The following WWOX variants were observed in gnomAD, a reference collection of about 807,000 sequenced individuals.
The protein encoded by WWOX is WW domain containing oxidoreductase, also known as WW domain-containing oxidoreductase.
WWOX carries 69 observed loss-of-function variants against 46.2 expected under a neutral mutation model. That is an observed-to-expected ratio of 1.49 (90% CI 1.23 to 1.82). The LOEUF is 1.82. Ranked by LOEUF, WWOX falls within the 40% of genes most tolerant of loss-of-function variation. The pLI, the probability that WWOX is intolerant of heterozygous loss-of-function variation, is 0.00. For synonymous variants in WWOX, 359 were observed against 202.6 expected (o/e 1.77, Z -6.56); for missense variants, 919 against 542.6 (o/e 1.69, Z -6.89).
chr16:78,912,419 A>C (rs1049467563), intron 8 of WWOX, among the ~76,000 whole-genome samples: 2 of 151,908 alleles, frequency 1.3e-5, no homozygotes, highest in African/African-American at 4.8e-5. Context: ...AGGGTCACAC[A>C]ATTAGTAGAT....
At chr16:78,924,894 T>G (rs374653790) in intron 8 of WWOX, among the ~76,000 whole-genome samples, 1 of 152,190 alleles carries the variant, frequency 6.6e-6, no homozygotes, top group East Asian at 1.9e-4. Flanking sequence ...AATGTTTGTC[T>G]TTTCAAATAA....
chr16:78,550,516 C>T (rs755221455), intron 8 of WWOX, among the ~76,000 whole-genome samples: 9 of 152,180 alleles, frequency 5.9e-5, no homozygotes, highest in Non-Finnish European at 8.8e-5. Context: ...GTCTGGGAGA[C>T]ATAATTTCAA....
intron 8 of WWOX, among the ~76,000 whole-genome samples, chr16:79,008,186 C>T (rs191343467): frequency 1.3e-5 from 2 of 152,264 alleles, no homozygotes; most frequent in East Asian, 1.9e-4. Flanking sequence ...CCCTTGCAGC[C>T]CCTAGAGGCT....
intron 8 of WWOX, among the ~76,000 whole-genome samples, chr16:78,531,027 C>T (rs913116622): frequency 1.3e-5 from 2 of 152,210 alleles, no homozygotes; most frequent in Admixed American, 6.5e-5. Context: ...TGGTCTTTAT[C>T]ACTTCTCCAT....
intron 5 of WWOX, among the ~76,000 whole-genome samples, chr16:78,328,548 C>T (rs921765823): frequency 6.6e-6 from 1 of 152,140 alleles, no homozygotes. Flanking sequence ...GTACTTTATT[C>T]TTGCAACAAG....
intron 5 of WWOX, among the ~76,000 whole-genome samples, chr16:78,334,924 T>A (rs71386271): frequency 0.34 from 47,607 of 140,276 alleles, 8,237 homozygotes; most frequent in East Asian, 0.6. Context: ...CATCTTTTTT[T>A]AAAAAAAAAA....
intron 8 of WWOX, among the ~76,000 whole-genome samples, chr16:78,799,654 T>A (rs1470533367): frequency 1.3e-5 from 2 of 152,148 alleles, no homozygotes; most frequent in Non-Finnish European, 2.9e-5. Flanking sequence ...TCATGTTCTG[T>A]GGCACTTTGC....
chr16:78,254,304 C>T (rs574096774), intron 5 of WWOX, among the ~76,000 whole-genome samples: 10 of 151,884 alleles, frequency 6.6e-5, no homozygotes, highest in African/African-American at 1.7e-4. Context: ...GGGCTAGTCT[C>T]GAACTCCTGG....
chr16:78,702,183 G>C (rs1008057390), intron 8 of WWOX, among the ~76,000 whole-genome samples: 7 of 147,310 alleles, frequency 4.8e-5, no homozygotes, highest in African/African-American at 1.8e-4. Context: ...CGGAGGCCGA[G>C]GCAGGAGAGT....
At chr16:78,518,420 C>T (rs1485837535) in intron 8 of WWOX, among the ~76,000 whole-genome samples, 4 of 151,982 alleles carry the variant, frequency 2.6e-5, no homozygotes, top group Admixed American at 6.6e-5. Flanking sequence ...GGGATTTCAC[C>T]ATGTTGGCCA....
intron 8 of WWOX, among the ~76,000 whole-genome samples, chr16:78,960,931 G>A (rs973803526): frequency 6.6e-6 from 1 of 152,158 alleles, no homozygotes; most frequent in Admixed American, 6.5e-5. Flanking sequence ...GCTTGCTTTG[G>A]GTCCCAAATT....
chr16:79,060,109 G>T (rs1365752666), intron 8 of WWOX, among the ~76,000 whole-genome samples: 3 of 152,136 alleles, frequency 2.0e-5, no homozygotes, highest in African/African-American at 7.2e-5. Context: ...ATCCATTGTT[G>T]TTTCTGTGTC....
intron 8 of WWOX, among the ~76,000 whole-genome samples, chr16:78,694,741 C>T (rs928057268): frequency 7.9e-5 from 12 of 152,096 alleles, no homozygotes; most frequent in Admixed American, 2.6e-4. Context: ...CTCATAAGAA[C>T]GCTTTATTGG....
intron 8 of WWOX, among the ~76,000 whole-genome samples, chr16:78,856,749 T>A (rs888750810): frequency 1.3e-5 from 2 of 152,170 alleles, no homozygotes; most frequent in African/African-American, 4.8e-5. Flanking sequence ...AATATACATG[T>A]ACATAGATTT....
At chr16:79,070,870 C>G (rs186694436) in intron 8 of WWOX, among the ~76,000 whole-genome samples, 18 of 152,266 alleles carry the variant, frequency 1.2e-4, no homozygotes, top group African/African-American at 4.3e-4. Flanking sequence ...GGTGTGTTGA[C>G]TATATTCTCC....
intron 5 of WWOX, among the ~76,000 whole-genome samples, chr16:78,268,011 G>C (rs895818813): frequency 2.6e-5 from 4 of 151,916 alleles, no homozygotes; most frequent in Non-Finnish European, 4.4e-5. Flanking sequence ...TAGAGACAGG[G>C]TTTTGCCATG....
At chr16:78,805,315 C>A (rs529890553) in intron 8 of WWOX, among the ~76,000 whole-genome samples, 1 of 152,292 alleles carries the variant, frequency 6.6e-6, no homozygotes, top group South Asian at 2.1e-4. Flanking sequence ...TGCAGTGGCG[C>A]CATCTCAGGA....
intron 8 of WWOX, among the ~76,000 whole-genome samples, chr16:78,943,358 C>G (rs1309278251): frequency 2.0e-5 from 3 of 147,012 alleles, no homozygotes; most frequent in Non-Finnish European, 2.9e-5. Context: ...AGATTACACT[C>G]TTATTCACTA....
Position 78,803,114 on chromosome 16 carries a change from T to G in WWOX, c.1056+370362T>G, listed in dbSNP as rs896915896. On this transcript the variant is annotated intron_variant, in intron 8 of 8. Coordinates refer to ENST00000566780, the MANE Select transcript of WWOX (RefSeq NM_016373.4). ...GGAATCAGTCATAGTTTAATATCAA[T>G]TATATATAAATTAGTCTTTCAGGAT... Among the ~76,000 whole-genome samples the G allele has an allele frequency of 3.3e-5, 5 of 151,674 alleles. No homozygotes were observed. The East Asian group carries it at 9.7e-4, about 29-fold the overall frequency.
Sources: gnomAD v4.1 joint callset for allele counts (sites outside exome capture counted in the v4.1 genomes callset) on GRCh38, gnomAD v4.1.1 for gene constraint, MANE v1.5 for transcripts, NCBI Gene and HGNC (gene_info 2026-07-23, HGNC 2026-07-21) for gene names.